Variants in ARHGEF26 observed in about 807,000 individuals in gnomAD.
ARHGEF26 encodes Rho guanine nucleotide exchange factor (GEF) 26.
Under a neutral mutation model 89.4 loss-of-function variants are expected in ARHGEF26, and 59 were observed. That is an observed-to-expected ratio of 0.66 (90% CI 0.54 to 0.82). The LOEUF (loss-of-function observed/expected upper bound fraction) is 0.82, where lower values mean the gene tolerates loss of function less well. Ranked by LOEUF, ARHGEF26 falls within the 40% of genes least tolerant of loss-of-function variation. The probability of loss-of-function intolerance (pLI) is 0.00; values close to 1 mark genes in which losing one functional copy is unlikely to be tolerated. For synonymous variants in ARHGEF26, 500 were observed against 428.4 expected (o/e 1.17, Z -2.06); for missense variants, 1,234 against 1,085.6 (o/e 1.14, Z -1.92).
chr3:154,255,712 T>C lies in ARHGEF26; in HGVS notation c.*239T>C. On this transcript the variant is annotated 3_prime_UTR_variant, in exon 15 of 15. Transcript: ENST00000465093. The stretch of plus-strand genomic sequence containing the variant: ...TGCAGACCTCCTGAGGTACACAGAA[T>C]AGCTGAGCAGTTCACTTCAGGGATC... 1 of 1,318,740 alleles carries C rather than the reference T, an allele frequency of 7.6e-7. No individual in the cohort carries two copies. The highest frequency in any genetic ancestry group is 9.6e-7 in the Non-Finnish European group (1 of 1,038,642). 81.7% of individuals were successfully genotyped at this position (1,318,740 alleles called of 1,614,324 possible).
intron 6 of ARHGEF26, among the ~76,000 whole-genome samples, chr3:154,177,823 G>A (rs1712920399): frequency 6.6e-6 from 1 of 152,170 alleles, no homozygotes; most frequent in Non-Finnish European, 1.5e-5. Flanking sequence ...GGGGAAGCAG[G>A]AAAAGAGAGC....
At chr3:154,176,737 A>G (rs114566107) in intron 6 of ARHGEF26, among the ~76,000 whole-genome samples, 1 of 152,214 alleles carries the variant, frequency 6.6e-6, no homozygotes, top group Non-Finnish European at 1.5e-5. Context: ...GTTTCAGAGA[A>G]AAAGGGTAAT....
chr3:154,251,423 T>C (rs527830798), intron 12 of ARHGEF26, among the ~76,000 whole-genome samples: 2 of 152,342 alleles, frequency 1.3e-5, no homozygotes, highest in Admixed American at 1.3e-4. Context: ...CAGTAAATGA[T>C]TGGGCTCAAT....
rs1464295784 is a variant in ARHGEF26 at position 154,253,098 on chromosome 3, A to T, written c.2301-18A>T. The stretch of plus-strand genomic sequence containing the variant: ...TTTACACCTTGAGTCTCTCAGTTGG[A>T]TCTGCCCTCTGTTTTAGGAGCGAGC... On this transcript the variant is annotated intron_variant, in intron 12 of 14. Transcript: ENST00000465093. The T allele has an allele frequency of 6.2e-7, 1 of 1,613,812 alleles. No individual in the cohort carries two copies. The highest frequency in any genetic ancestry group is 1.6e-4 in the Middle Eastern group (1 of 6,062).
intron 6 of ARHGEF26, among the ~76,000 whole-genome samples, chr3:154,155,966 G>A (rs1720316281): frequency 6.6e-6 from 1 of 151,828 alleles, no homozygotes; most frequent in African/African-American, 2.4e-5. Context: ...TTTTAAAGCA[G>A]GTCTAAAGAG....
rs1224606325 is a variant in ARHGEF26 at position 154,256,550 on chromosome 3, A to ATT, written c.*1077_*1078insTT. ...GCCCAGCCTACTTTCTAATTAATTA[A>ATT]AAAAAAAAAAAAAAAAAAAAAAAAA... On this transcript the variant is annotated 3_prime_UTR_variant, in exon 15 of 15. Coordinates refer to ENST00000465093, the MANE Select transcript of ARHGEF26 (RefSeq NM_015595.4). 2.2e-5 allele frequency: 21 copies of ATT among 949,426 alleles called. No homozygotes were observed. The highest frequency in any genetic ancestry group is 1.0e-4 in the East Asian group (1 of 9,640). 58.8% of individuals were successfully genotyped at this position (949,426 alleles called of 1,614,324 possible). A position where few individuals can be genotyped will look rare whatever the true frequency, so the allele number is the denominator to read the frequency against.
At chr3:154,184,646 A>G (rs888610962) in intron 6 of ARHGEF26, among the ~76,000 whole-genome samples, 2 of 152,104 alleles carry the variant, frequency 1.3e-5, no homozygotes, top group Non-Finnish European at 2.9e-5. Context: ...TTGTTACCCT[A>G]TGCTGGGTCC....
chr3:154,241,124 G>A (rs1006170280), intron 12 of ARHGEF26, among the ~76,000 whole-genome samples: 9 of 152,148 alleles, frequency 5.9e-5, no homozygotes, highest in African/African-American at 2.2e-4. Context: ...CTGCAGTTTC[G>A]CCAGCAGTTA....
At chr3:154,197,984 G>A (rs963054657) in intron 9 of ARHGEF26, among the ~76,000 whole-genome samples, 3 of 152,076 alleles carry the variant, frequency 2.0e-5, no homozygotes, top group Admixed American at 6.6e-5. Context: ...TCAAAATTCC[G>A]TTTAGAGTTG....
At chr3:154,161,874 G>A (rs528182871) in intron 6 of ARHGEF26, among the ~76,000 whole-genome samples, 5 of 152,212 alleles carry the variant, frequency 3.3e-5, no homozygotes, top group South Asian at 2.1e-4. Context: ...TTCAGAGCAG[G>A]CCCTGGCATG....
At chr3:154,201,259 T>A (rs1714616709) in intron 9 of ARHGEF26, among the ~76,000 whole-genome samples, 1 of 151,486 alleles carries the variant, frequency 6.6e-6, no homozygotes, top group Non-Finnish European at 1.5e-5. Context: ...AAGTGTTTGG[T>A]TTTTTGTCCT....
Position 154,255,389 on chromosome 3 carries a change from T to C in ARHGEF26, c.2532T>C (p.Cys844=). The C allele has an allele frequency of 6.2e-7, 1 of 1,613,582 alleles. No individual in the cohort carries two copies. The highest frequency in any genetic ancestry group is 8.5e-7 in the Non-Finnish European group (1 of 1,179,836). The change falls in exon 15 of 15, where the codon TGT becomes TGC. Residue 844 remains cysteine, a synonymous_variant. Coordinates refer to ENST00000465093, the MANE Select transcript of ARHGEF26 (RefSeq NM_015595.4). ...DGERGWFPME[C]AKEITCQATI... Reference sequence around the variant, plus strand: ...AAAGAGGCTGGTTTCCTATGGAATGTGCCAAGGAGATAACATGTCAAGCTA... The same window carrying C: ...AAAGAGGCTGGTTTCCTATGGAATGCGCCAAGGAGATAACATGTCAAGCTA...
At chr3:154,171,535 C>T (rs1294178940) in intron 6 of ARHGEF26, among the ~76,000 whole-genome samples, 1 of 152,162 alleles carries the variant, frequency 6.6e-6, no homozygotes, top group Non-Finnish European at 1.5e-5. Context: ...CCCTCCCTCT[C>T]CTTAAGCCCC....
At chr3:154,230,596 A>G (rs1277574215) in intron 11 of ARHGEF26, among the ~76,000 whole-genome samples, 1 of 152,192 alleles carries the variant, frequency 6.6e-6, no homozygotes, top group Non-Finnish European at 1.5e-5. Flanking sequence ...GTACCAAATC[A>G]TATTTGTGAG....
chr3:154,160,607 T>A (rs1238465981), intron 6 of ARHGEF26, among the ~76,000 whole-genome samples: 1 of 152,152 alleles, frequency 6.6e-6, no homozygotes, highest in Non-Finnish European at 1.5e-5. Context: ...AAATCTAGAC[T>A]GGTAGTGAGG....
intron 6 of ARHGEF26, among the ~76,000 whole-genome samples, chr3:154,173,005 C>T (rs981472008): frequency 2.6e-5 from 4 of 152,052 alleles, no homozygotes; most frequent in South Asian, 2.1e-4. Flanking sequence ...TCACATATGT[C>T]GTAGCCTATG....
chr3:154,218,004 C>CT, intron 10 of ARHGEF26, 46 bp downstream of exon 10: 1 of 1,495,602 alleles, frequency 6.7e-7, no homozygotes, highest in Non-Finnish European at 9.1e-7. Context: ...ATGTTTTTCT[C>CT]TAAATAGAGA....
chr3:154,146,409 G>A (rs939695805), intron 4 of ARHGEF26, among the ~76,000 whole-genome samples: 3 of 113,782 alleles, frequency 2.6e-5, no homozygotes, highest in African/African-American at 8.6e-5. Flanking sequence ...AAACCGGCAT[G>A]ATTTTAGGTG....
intron 10 of ARHGEF26, among the ~76,000 whole-genome samples, chr3:154,221,071 G>C (rs750705013): frequency 1.3e-5 from 2 of 151,990 alleles, no homozygotes; most frequent in Non-Finnish European, 2.9e-5. Context: ...CACCTTCTGA[G>C]AGCCTGGCCT....
Sources: allele counts gnomAD v4.1 joint callset (sites outside exome capture counted in the v4.1 genomes callset), GRCh38; gene constraint gnomAD v4.1.1; transcripts MANE v1.5; gene names NCBI Gene and HGNC (gene_info 2026-07-23, HGNC 2026-07-21).